The following WDFY4 variants were observed in gnomAD, a reference collection of about 807,000 sequenced individuals.
WDFY4 encodes WDFY family member 4.
A neutral mutation model predicts 351.9 loss-of-function variants in WDFY4; 169 were observed. The observed-to-expected ratio is 0.48, with a 90% CI of 0.42 to 0.55. WDFY4 has a LOEUF of 0.55. Among genes scored for constraint, WDFY4 ranks in the 20% least tolerant of loss-of-function variants. The probability of loss-of-function intolerance (pLI) is 0.00; values close to 1 mark genes in which losing one functional copy is unlikely to be tolerated. For missense variants in WDFY4, 3,803 were observed against 3,935.6 expected (o/e 0.97, Z 0.90); for synonymous variants, 1,622 against 1,574.6 (o/e 1.03, Z -0.71).
intron 10 of WDFY4, among the ~76,000 whole-genome samples, chr10:48,734,531 T>TAC (rs139769822): frequency 3.3e-5 from 5 of 150,692 alleles, no homozygotes; most frequent in Non-Finnish European, 7.4e-5. Context: ...TGCATATATA[T>TAC]ATATATATAT....
intron 1 of WDFY4, among the ~76,000 whole-genome samples, chr10:48,690,288 G>A (rs1275024917): frequency 6.6e-6 from 1 of 152,208 alleles, no homozygotes; most frequent in Non-Finnish European, 1.5e-5. Flanking sequence ...TTAAGGAAAA[G>A]GGCAATGTAG....
intron 39 of WDFY4, among the ~76,000 whole-genome samples, chr10:48,839,336 T>G (rs2068516657): frequency 6.6e-6 from 1 of 152,256 alleles, no homozygotes; most frequent in Non-Finnish European, 1.5e-5. Flanking sequence ...TTTTAAAATC[T>G]GATATTCAGA....
Position 48,873,515 on chromosome 10 carries a change from G to T in WDFY4, c.6766G>T (p.Ala2256Ser), listed in dbSNP as rs1465628690. 6.4e-7 allele frequency: 1 copy of T among 1,550,874 alleles called. No homozygotes were observed. Among genetic ancestry groups the T allele is most frequent in the Non-Finnish European group, 8.7e-7 (1 of 1,146,692 alleles). The change falls in exon 41 of 62, where the codon GCA (alanine) becomes TCA (serine). Residue 2256 changes from alanine to serine, a missense_variant. By Grantham distance (99) the Ala-to-Ser change is moderately conservative. Coordinates refer to ENST00000325239, the MANE Select transcript of WDFY4 (RefSeq NM_001394531.1). ...VQRRKCGNIKAANAWARIQEQ... is the reference protein window; with the variant it reads ...VQRRKCGNIKSANAWARIQEQ... ...GAGGCGAAAATGTGGCAACATCAAGGCAGCCAACGCCTGGGCCAGGATCCA... is the reference window on the plus strand; with the variant it reads ...GAGGCGAAAATGTGGCAACATCAAGTCAGCCAACGCCTGGGCCAGGATCCA...
intron 39 of WDFY4, among the ~76,000 whole-genome samples, chr10:48,863,624 A>T (rs1205071048): frequency 6.6e-6 from 1 of 150,940 alleles, no homozygotes; most frequent in Non-Finnish European, 1.5e-5. Flanking sequence ...GTAATTTATA[A>T]TTTTTTTTTC....
intron 1 of WDFY4, among the ~76,000 whole-genome samples, chr10:48,707,785 G>T (rs766892874): frequency 6.6e-6 from 1 of 152,166 alleles, no homozygotes; most frequent in Non-Finnish European, 1.5e-5. Context: ...GAGTGTGGGT[G>T]GGGTGGGGAC....
chr10:48,943,272 T>C lies in WDFY4; in HGVS notation c.7630-58T>C, dbSNP rs75295246. The C allele has an allele frequency of 3.5e-3, 5,322 of 1,538,966 alleles. 148 individuals are homozygous for C. The African/African-American group carries it at 0.064, about 19-fold the overall frequency. ...TGCCGAGGCCTGAGGGTGGGACCCA[T>C]GGCTTTGCAGGAGCATCAAACGTAT... On this transcript the variant is annotated intron_variant, in intron 48 of 61. Coordinates refer to ENST00000325239, the MANE Select transcript of WDFY4 (RefSeq NM_001394531.1).
intron 54 of WDFY4, among the ~76,000 whole-genome samples, chr10:48,965,378 C>A (rs886885348): frequency 1.9e-4 from 29 of 152,370 alleles, no homozygotes; most frequent in African/African-American, 7.0e-4. Context: ...AGACTCCATG[C>A]TGCTCCTGAC....
intron 2 of WDFY4, among the ~76,000 whole-genome samples, chr10:48,712,936 G>A (rs2063804884): frequency 6.6e-6 from 1 of 152,210 alleles, no homozygotes; most frequent in Non-Finnish European, 1.5e-5. Context: ...AGACTCCTGA[G>A]TACAAACAAA....
chr10:48,786,905 A>T (rs1168475943), intron 20 of WDFY4, 35 bp downstream of exon 20: 1 of 1,528,652 alleles, frequency 6.5e-7, no homozygotes. Context: ...GTTCTTGCTG[A>T]TATTAGTTTT....
At chr10:48,722,292 A>T (rs564327222) in intron 4 of WDFY4, among the ~76,000 whole-genome samples, 1 of 152,108 alleles carries the variant, frequency 6.6e-6, no homozygotes, top group East Asian at 1.9e-4. Context: ...GGCGCATCAC[A>T]TGTGCCCCTG....
intron 60 of WDFY4, among the ~76,000 whole-genome samples, chr10:48,980,376 G>T (rs899869115): frequency 2.0e-5 from 3 of 152,180 alleles, no homozygotes; most frequent in African/African-American, 7.2e-5. Flanking sequence ...TCCTCTTGGC[G>T]TGTATATTAC....
intron 53 of WDFY4, among the ~76,000 whole-genome samples, chr10:48,960,380 C>T (rs988986357): frequency 6.6e-6 from 1 of 152,040 alleles, no homozygotes; most frequent in Non-Finnish European, 1.5e-5. Flanking sequence ...TATGACATAC[C>T]CACCGGAGTG....
chr10:48,790,303 G>A (rs558213070), intron 22 of WDFY4, among the ~76,000 whole-genome samples: 3 of 152,240 alleles, frequency 2.0e-5, no homozygotes, highest in Non-Finnish European at 4.4e-5. Flanking sequence ...AGTTGTTTGA[G>A]TGAAAACTGC....
Position 48,777,491 on chromosome 10 carries a change from G to T in WDFY4, c.3171G>T (p.Gly1057=). The T allele has an allele frequency of 6.4e-7, 1 of 1,551,712 alleles. No homozygotes were observed. The stretch of plus-strand genomic sequence containing the variant: ...AGTACTCTGTCTCTGGAGGAATTGG[G>T]ACAGGTAGGTGTTTTTCCCAGATGG... The part of the protein sequence containing the change: ...STEYSVSGGI[G]TGATRPFPPP... The change falls in exon 17 of 62, where the codon GGG becomes GGT. Residue 1057 remains glycine (G), a synonymous_variant. Coordinates refer to ENST00000325239, the MANE Select transcript of WDFY4 (RefSeq NM_001394531.1).
At chr10:48,762,353 G>C (rs564578545) in intron 13 of WDFY4, among the ~76,000 whole-genome samples, 6 of 152,212 alleles carry the variant, frequency 3.9e-5, no homozygotes, top group Non-Finnish European at 8.8e-5. Flanking sequence ...TTGGGGAATG[G>C]ACTTCTTGTT....
At chr10:48,856,114 C>T (rs762849614) in intron 39 of WDFY4, among the ~76,000 whole-genome samples, 11 of 152,112 alleles carry the variant, frequency 7.2e-5, no homozygotes, top group Non-Finnish European at 8.8e-5. Context: ...TTTTTAATAT[C>T]GGTAGGACTT....
chr10:48,896,091 T>C (rs1837062596), intron 44 of WDFY4, among the ~76,000 whole-genome samples: 1 of 152,256 alleles, frequency 6.6e-6, no homozygotes, highest in African/African-American at 2.4e-5. Context: ...AAGTTATTTC[T>C]GCTGTGTGAC....
chr10:48,971,477 CAG>C lies in WDFY4; in HGVS notation c.8928+1191_8928+1192del, dbSNP rs549205901. Among the ~76,000 whole-genome samples the C allele has an allele frequency of 7.3e-5, 11 of 150,262 alleles. No homozygotes were observed. The East Asian group carries it at 2.1e-3, about 29-fold the overall frequency. ...CGCCACTACACTCCAGCCTGGGTGA[CAG>C]AGCGAGACTCTGTCTCAAAAAAAAA... On this transcript the variant is annotated intron_variant, in intron 57 of 61. Coordinates refer to ENST00000325239, the MANE Select transcript of WDFY4 (RefSeq NM_001394531.1).
rs769671046 is a variant in WDFY4, at chr10:48,976,881, G to A, written c.9193G>A (p.Gly3065Ser). The change falls in exon 59 of 62, where the codon GGC becomes AGC. Residue 3065 changes from glycine to serine, a missense_variant. Gly to Ser is a moderately conservative substitution (Grantham distance 56). This residue lies in a region of WDFY4 where 3,054 missense variants were observed against 3,148.6 expected (regional missense o/e 0.97). Coordinates refer to ENST00000325239, the MANE Select transcript of WDFY4 (RefSeq NM_001394531.1). ...CCTGGCCAGCATCACCACAGCCTGG[G>A]GCCCAGAAGGAGCCATAACCTGCTG... Reference protein sequence around the residue: ...QPLASITTAWGPEGAITCCCL... With the variant: ...QPLASITTAWSPEGAITCCCL... The A allele has an allele frequency of 4.5e-6, 7 of 1,540,786 alleles. No homozygotes were observed. The highest frequency in any genetic ancestry group is 1.7e-4 in the Middle Eastern group (1 of 5,956).
Sources: allele counts gnomAD v4.1 joint callset (sites outside exome capture counted in the v4.1 genomes callset), GRCh38; gene constraint gnomAD v4.1.1; regional missense constraint gnomAD v4.1.1; transcripts MANE v1.5; gene names NCBI Gene and HGNC (gene_info 2026-07-23, HGNC 2026-07-21).